GRM8: variants seen among roughly 807,000 people sequenced by gnomAD.
GRM8 encodes the protein metabotropic glutamate receptor 8.
A neutral mutation model predicts 87.2 loss-of-function variants in GRM8; 47 were observed. The observed-to-expected ratio is 0.54, with a 90% confidence interval of 0.43 to 0.69. The LOEUF (loss-of-function observed/expected upper bound fraction) is 0.69, where lower values mean the gene tolerates loss of function less well. GRM8 is among the 30% of genes least tolerant of loss of function. GRM8 has a pLI of 0.00. For missense variants in GRM8, 1,019 were observed against 1,139.2 expected, an observed-to-expected ratio of 0.89 and a Z score of 1.52; for synonymous variants, 396 against 404.5, an observed-to-expected ratio of 0.98 and a Z score of 0.25.
chr7:126,996,225 GAGA>G (rs1178761421), intron 3 of GRM8, among the ~76,000 whole-genome samples: 1 of 152,036 alleles, frequency 6.6e-6, no homozygotes, highest in Non-Finnish European at 1.5e-5. Context: ...CAATCTGAAA[GAGA>G]AGGACAATAA....
At chr7:127,165,141 GATATATATATATAT>G (rs3993578) in intron 2 of GRM8, among the ~76,000 whole-genome samples, 165 of 67,414 alleles carry the variant, frequency 2.4e-3, no homozygotes, top group Admixed American at 7.8e-3. Context: ...CATGTAAACA[GATATATATATATAT>G]ATATATATAT....
chr7:126,926,057 T>C (rs890454561), intron 3 of GRM8, among the ~76,000 whole-genome samples: 8 of 152,240 alleles, frequency 5.3e-5, no homozygotes, highest in African/African-American at 1.9e-4. Flanking sequence ...AAATATATGA[T>C]TATATAGCAG....
intron 3 of GRM8, among the ~76,000 whole-genome samples, chr7:126,986,727 C>A (rs1327429172): frequency 6.6e-6 from 1 of 152,190 alleles, no homozygotes; most frequent in East Asian, 1.9e-4. Context: ...CACCATTTAA[C>A]ATGAGCTTCA....
At chr7:126,808,592 T>C (rs1792994657) in intron 6 of GRM8, among the ~76,000 whole-genome samples, 1 of 152,188 alleles carries the variant, frequency 6.6e-6, no homozygotes, top group African/African-American at 2.4e-5. Context: ...ACATACAACA[T>C]AGGTGGTAGG....
intron 2 of GRM8, among the ~76,000 whole-genome samples, chr7:127,136,927 C>G (rs1827974401): frequency 6.6e-6 from 1 of 151,788 alleles, no homozygotes; most frequent in Non-Finnish European, 1.5e-5. Flanking sequence ...GACTTTCAAT[C>G]TAAGGATATT....
intron 1 of GRM8, among the ~76,000 whole-genome samples, chr7:127,247,973 G>A (rs911236141): frequency 4.6e-5 from 7 of 151,992 alleles, no homozygotes; most frequent in East Asian, 1.9e-4. Flanking sequence ...GGAGAAGCTC[G>A]ACTTACTAAA....
intron 9 of GRM8, among the ~76,000 whole-genome samples, chr7:126,460,552 T>G (rs1486030548): frequency 6.6e-6 from 1 of 151,630 alleles, no homozygotes; most frequent in East Asian, 1.9e-4. Context: ...AAAAGTCCTC[T>G]TCTTGCACAT....
At chr7:126,762,953 T>C (rs762051400) in intron 7 of GRM8, among the ~76,000 whole-genome samples, 3 of 151,918 alleles carry the variant, frequency 2.0e-5, no homozygotes, top group Non-Finnish European at 2.9e-5. Flanking sequence ...CATTGATGAA[T>C]TGGACTTTCT....
chr7:126,745,391 C>A (rs1002348220), intron 7 of GRM8, among the ~76,000 whole-genome samples: 7 of 70,230 alleles, frequency 1.0e-4, no homozygotes, highest in African/African-American at 2.7e-4. Context: ...AAGACATAGT[C>A]ATATATTATA....
intron 2 of GRM8, among the ~76,000 whole-genome samples, chr7:127,128,969 A>G (rs1219019215): frequency 6.6e-6 from 1 of 152,150 alleles, no homozygotes; most frequent in Non-Finnish European, 1.5e-5. Context: ...AAAAAACAAA[A>G]CCACATGAAT....
chr7:127,173,467 G>C lies in GRM8; in HGVS notation c.511-66755C>G, dbSNP rs546211554. 8.5e-5 allele frequency among the ~76,000 whole-genome samples: 13 copies of C among 152,254 alleles called. No homozygotes were observed. In the South Asian group the frequency reaches 2.7e-3, roughly 32 times the overall value. On this transcript the variant is annotated intron_variant, in intron 2 of 10. Coordinates refer to ENST00000339582, the MANE Select transcript of GRM8 (RefSeq NM_000845.3). ...CACGAAGCAGAGAGTGAAAGGGAAAGAAAGGAGTAGTAGATGAAATTAGAG... is the reference window on the plus strand; with the variant it reads ...CACGAAGCAGAGAGTGAAAGGGAAACAAAGGAGTAGTAGATGAAATTAGAG...
At chr7:126,457,505 A>C (rs142638740) in intron 9 of GRM8, among the ~76,000 whole-genome samples, 2 of 151,626 alleles carry the variant, frequency 1.3e-5, no homozygotes, top group East Asian at 3.9e-4. Flanking sequence ...TATCTGACTA[A>C]TGTGAAATCA....
intron 7 of GRM8, among the ~76,000 whole-genome samples, chr7:126,715,302 C>T (rs1811601271): frequency 6.6e-6 from 1 of 152,178 alleles, no homozygotes; most frequent in Non-Finnish European, 1.5e-5. Context: ...GAGCTCACCA[C>T]AATAGCAGCA....
intron 3 of GRM8, among the ~76,000 whole-genome samples, chr7:127,006,606 T>A (rs930047638): frequency 2.0e-5 from 3 of 152,092 alleles, no homozygotes; most frequent in Admixed American, 1.3e-4. Flanking sequence ...ATTAACTTAA[T>A]GGAGAATAGC....
At chr7:126,536,017 T>C (rs1459385575) in intron 8 of GRM8, among the ~76,000 whole-genome samples, 1 of 152,232 alleles carries the variant, frequency 6.6e-6, no homozygotes. Flanking sequence ...TGTTGTGAGA[T>C]GATGTTTATT....
chr7:126,573,339 T>C (rs1026059672), intron 8 of GRM8, among the ~76,000 whole-genome samples: 6 of 152,112 alleles, frequency 3.9e-5, no homozygotes, highest in Non-Finnish European at 5.9e-5. Context: ...AAGTTGTATA[T>C]GTGAGAAGAA....
intron 8 of GRM8, among the ~76,000 whole-genome samples, chr7:126,584,680 C>A (rs570123511): frequency 1.4e-4 from 22 of 152,130 alleles, no homozygotes; most frequent in Non-Finnish European, 2.6e-4. Flanking sequence ...ACTCTTCTTT[C>A]ATCTTCATCA....
chr7:127,224,396 A>G (rs1405905540), intron 2 of GRM8, among the ~76,000 whole-genome samples: 2 of 152,236 alleles, frequency 1.3e-5, no homozygotes, highest in Non-Finnish European at 2.9e-5. Context: ...GAAGCAGTGC[A>G]ACATTTTTTA....
chr7:127,140,572 C>G (rs913699763), intron 2 of GRM8, among the ~76,000 whole-genome samples: 1 of 152,116 alleles, frequency 6.6e-6, no homozygotes, highest in African/African-American at 2.4e-5. Flanking sequence ...GTTACCTGTA[C>G]TTCAAATGCC....
Sources: gnomAD v4.1 joint callset for allele counts (sites outside exome capture counted in the v4.1 genomes callset) on GRCh38, gnomAD v4.1.1 for gene constraint, MANE v1.5 for transcripts, NCBI Gene and HGNC (gene_info 2026-07-23, HGNC 2026-07-21) for gene names.